The following RGS6 variants were observed in gnomAD, a reference collection of about 807,000 sequenced individuals.
RGS6 encodes the protein regulator of G protein signaling 6.
A neutral mutation model predicts 78.5 loss-of-function variants in RGS6; 30 were observed. The ratio of observed to expected loss-of-function variants is 0.38; its 90% CI spans 0.29 to 0.52. The LOEUF is 0.52. Ranked by LOEUF, RGS6 falls within the 20% of genes least tolerant of loss-of-function variation. The pLI is 0.85. For missense variants in RGS6, 495 were observed against 609.7 expected, an observed-to-expected ratio of 0.81 and a Z score of 1.98; for synonymous variants, 206 against 206.0, an observed-to-expected ratio of 1.00 and a Z score of 0.00.
intron 2 of RGS6, among the ~76,000 whole-genome samples, chr14:72,262,703 A>G (rs1338528023): frequency 6.6e-6 from 1 of 152,254 alleles, no homozygotes; most frequent in African/African-American, 2.4e-5. Flanking sequence ...AGAGACTTTT[A>G]GAACCAATTA....
intron 9 of RGS6, 60 bp downstream of exon 9, chr14:72,473,013 TATAAAGAA>T: frequency 2.4e-6 from 3 of 1,264,634 alleles, no homozygotes; most frequent in Non-Finnish European, 3.3e-6. Flanking sequence ...TTTTTATCTC[TATAAAGAA>T]AAGACCGTCT....
intron 3 of RGS6, among the ~76,000 whole-genome samples, chr14:72,359,113 G>T (rs944878850): frequency 2.0e-5 from 3 of 152,150 alleles, no homozygotes; most frequent in African/African-American, 7.2e-5. Context: ...TGCCATGATT[G>T]TAAGTTTACT....
chr14:72,378,441 A>C (rs1323856044), intron 3 of RGS6, among the ~76,000 whole-genome samples: 1 of 152,228 alleles, frequency 6.6e-6, no homozygotes, highest in East Asian at 1.9e-4. Flanking sequence ...AGAAAAACAA[A>C]ATTTTAAAAA....
intron 15 of RGS6, among the ~76,000 whole-genome samples, chr14:72,519,958 A>G (rs544867619): frequency 6.6e-6 from 1 of 152,350 alleles, no homozygotes; most frequent in Admixed American, 6.5e-5. Context: ...TTTTATTATG[A>G]AAACTTTTAA....
chr14:72,448,939 T>C lies in RGS6; in HGVS notation c.185-5589T>C, dbSNP rs372056944. On this transcript the variant is annotated intron_variant, in intron 3 of 17. Coordinates refer to ENST00000553525, the MANE Select transcript of RGS6 (RefSeq NM_001204424.2). ...ATAATTATCATATTGGACACAATTA[T>C]TGTCAAGATAACATGCGATAACAGG... 4.1e-4 allele frequency among the ~76,000 whole-genome samples: 63 copies of C among 152,318 alleles called. 1 individual carries two copies. The South Asian group carries it at 4.1e-3, about 10-fold the overall frequency.
rs1197266683 is a variant in RGS6 at position 72,117,027 on chromosome 14, AG to A, written c.84+152154del. Among the ~76,000 whole-genome samples, 5 of 151,160 alleles carry A rather than the reference AG, an allele frequency of 3.3e-5. No homozygotes were observed. The South Asian group carries it at 6.3e-4, about 19-fold the overall frequency. On this transcript the variant is annotated intron_variant, in intron 2 of 17. Coordinates refer to ENST00000553525, the MANE Select transcript of RGS6 (RefSeq NM_001204424.2). ...GAGTGATATGGTTACATGACTACCA[AG>A]GTGGTTGAGGAAGCCCTTGCCGAGG...
At chr14:72,280,571 T>G (rs1271687632) in intron 2 of RGS6, among the ~76,000 whole-genome samples, 1 of 152,206 alleles carries the variant, frequency 6.6e-6, no homozygotes, top group Admixed American at 6.5e-5. Flanking sequence ...TGCACTAACC[T>G]TATGCTAGGC....
chr14:72,317,139 C>T (rs1463788231), intron 2 of RGS6, among the ~76,000 whole-genome samples: 1 of 151,968 alleles, frequency 6.6e-6, no homozygotes, highest in African/African-American at 2.4e-5. Flanking sequence ...GCACACATTT[C>T]CTCATATATG....
At chr14:71,958,426 G>A (rs1199887982) in intron 1 of RGS6, among the ~76,000 whole-genome samples, 1 of 152,194 alleles carries the variant, frequency 6.6e-6, no homozygotes. Context: ...GTAATGAGCT[G>A]TGCAAGAAAT....
intron 2 of RGS6, among the ~76,000 whole-genome samples, chr14:72,094,270 A>G (rs560045779): frequency 4.6e-5 from 7 of 152,242 alleles, no homozygotes; most frequent in Non-Finnish European, 1.0e-4. Flanking sequence ...GGAACAGCCC[A>G]GCTACATTTA....
intron 2 of RGS6, among the ~76,000 whole-genome samples, chr14:72,130,694 C>T (rs987623933): frequency 6.6e-6 from 1 of 152,124 alleles, no homozygotes; most frequent in Non-Finnish European, 1.5e-5. Flanking sequence ...TGACACTGGT[C>T]CTCTGCAGAC....
At chr14:71,961,531 A>G (rs2153039419) in intron 1 of RGS6, among the ~76,000 whole-genome samples, 1 of 152,250 alleles carries the variant, frequency 6.6e-6, no homozygotes, top group South Asian at 2.1e-4. Context: ...CTTGCCTAAG[A>G]TCACACAGCT....
chr14:72,445,852 C>T (rs1019759125), intron 3 of RGS6, among the ~76,000 whole-genome samples: 3 of 152,064 alleles, frequency 2.0e-5, no homozygotes, highest in African/African-American at 7.2e-5. Context: ...AAGTTCTAAA[C>T]ACTAGAACTC....
chr14:72,032,134 T>C (rs910730270), intron 2 of RGS6, among the ~76,000 whole-genome samples: 6 of 152,186 alleles, frequency 3.9e-5, no homozygotes, highest in African/African-American at 1.4e-4. Flanking sequence ...TTTTCAGTGC[T>C]GTGTCTGCTA....
intron 3 of RGS6, among the ~76,000 whole-genome samples, chr14:72,369,181 G>A (rs1457039409): frequency 1.3e-5 from 2 of 152,328 alleles, no homozygotes; most frequent in East Asian, 3.9e-4. Context: ...TAGATTATCT[G>A]GGTGTGCCCT....
At chr14:72,552,182 C>T (rs1285662501) in intron 17 of RGS6, among the ~76,000 whole-genome samples, 1 of 152,342 alleles carries the variant, frequency 6.6e-6, no homozygotes, top group Non-Finnish European at 1.5e-5. Context: ...CAGAGATCAG[C>T]TCATGGTAAC....
At chr14:72,194,434 A>G (rs1281526426) in intron 2 of RGS6, among the ~76,000 whole-genome samples, 1 of 141,114 alleles carries the variant, frequency 7.1e-6, no homozygotes, top group Non-Finnish European at 1.5e-5. Flanking sequence ...GCACTAATGC[A>G]ATCATAGCTC....
chr14:72,302,299 C>G (rs945153103), intron 2 of RGS6, among the ~76,000 whole-genome samples: 3 of 152,178 alleles, frequency 2.0e-5, no homozygotes, highest in Non-Finnish European at 2.9e-5. Flanking sequence ...TTGCCCATAG[C>G]CAATTAAGTG....
At chr14:72,131,151 C>A (rs1038715864) in intron 2 of RGS6, among the ~76,000 whole-genome samples, 5 of 152,182 alleles carry the variant, frequency 3.3e-5, no homozygotes, top group African/African-American at 1.2e-4. Flanking sequence ...GAGCCAGATT[C>A]CTAGTCCCCT....
Sources: gnomAD v4.1 joint callset for allele counts (sites outside exome capture counted in the v4.1 genomes callset) on GRCh38, gnomAD v4.1.1 for gene constraint, MANE v1.5 for transcripts, NCBI Gene and HGNC (gene_info 2026-07-23, HGNC 2026-07-21) for gene names.